The following PDIA5 variants were observed in gnomAD, a reference collection of about 807,000 sequenced individuals.
The protein encoded by PDIA5 is protein disulfide isomerase family A member 5.
PDIA5 carries 58 observed loss-of-function variants against 77.6 expected under a neutral mutation model. The ratio of observed to expected loss-of-function variants is 0.75; its 90% CI spans 0.61 to 0.93. PDIA5 has a LOEUF of 0.93. Among genes scored for constraint, PDIA5 ranks in the 40% least tolerant of loss-of-function variants. The probability of loss-of-function intolerance (pLI) is 0.00; values close to 1 mark genes in which losing one functional copy is unlikely to be tolerated. For synonymous variants in PDIA5, 250 were observed against 252.1 expected, an observed-to-expected ratio of 0.99 and a Z score of 0.08; for missense variants, 630 against 647.7, an observed-to-expected ratio of 0.97 and a Z score of 0.30.
At chr3:123,133,350 C>T (rs1333115725) in intron 11 of PDIA5, among the ~76,000 whole-genome samples, 4 of 152,202 alleles carry the variant, frequency 2.6e-5, no homozygotes, top group Non-Finnish European at 5.9e-5. Flanking sequence ...AGGCCAAATA[C>T]GGAGTGATTT....
intron 1 of PDIA5, among the ~76,000 whole-genome samples, chr3:123,076,250 G>T (rs1159967258): frequency 6.6e-6 from 1 of 152,114 alleles, no homozygotes; most frequent in East Asian, 1.9e-4. Context: ...TCCTGGCGGG[G>T]ACCTGGCTCT....
intron 10 of PDIA5, among the ~76,000 whole-genome samples, chr3:123,128,539 C>T (rs2107963814): frequency 6.6e-6 from 1 of 152,116 alleles, no homozygotes; most frequent in East Asian, 1.9e-4. Flanking sequence ...TAAGGTCTTG[C>T]TCTGTCACCC....
At chr3:123,154,614 TC>T (rs1238839340) in intron 14 of PDIA5, among the ~76,000 whole-genome samples, 1 of 152,094 alleles carries the variant, frequency 6.6e-6, no homozygotes, top group African/African-American at 2.4e-5. Flanking sequence ...TTGTAGCGGC[TC>T]TGAGAATCCC....
chr3:123,084,468 G>T (rs889690202), intron 1 of PDIA5, among the ~76,000 whole-genome samples: 7 of 151,778 alleles, frequency 4.6e-5, no homozygotes, highest in African/African-American at 1.7e-4. Flanking sequence ...CCTCCCTCTT[G>T]GTCCTGCCTC....
At chr3:123,145,444 C>A in intron 11 of PDIA5, 78 bp from the exon 12 acceptor site, 1 of 1,036,040 alleles carries the variant, frequency 9.7e-7, no homozygotes, top group Non-Finnish European at 1.5e-6. Context: ...GACTGAGCTG[C>A]CTTACAGAGG....
intron 7 of PDIA5, among the ~76,000 whole-genome samples, chr3:123,112,553 T>G (rs1372186364): frequency 1.4e-5 from 2 of 140,484 alleles, no homozygotes; most frequent in Admixed American, 7.1e-5. Flanking sequence ...TTTTTTTTTT[T>G]TTTTTTTGGT....
intron 1 of PDIA5, among the ~76,000 whole-genome samples, chr3:123,077,239 C>G (rs1450421191): frequency 1.3e-5 from 2 of 152,188 alleles, no homozygotes; most frequent in Non-Finnish European, 2.9e-5. Flanking sequence ...GTCTCAGTTT[C>G]TTTATCTATA....
At chr3:123,070,562 G>C (rs1933695648) in intron 1 of PDIA5, among the ~76,000 whole-genome samples, 1 of 152,212 alleles carries the variant, frequency 6.6e-6, no homozygotes, top group East Asian at 1.9e-4. Context: ...CTTCCAGGCT[G>C]GGTGTCTGTG....
chr3:123,129,014 C>T (rs1287833168), intron 10 of PDIA5, among the ~76,000 whole-genome samples: 1 of 152,186 alleles, frequency 6.6e-6, no homozygotes, highest in African/African-American at 2.4e-5. Flanking sequence ...AGCCCTCCCT[C>T]GTGTAGATGG....
Position 123,116,285 on chromosome 3 carries a change from T to C in PDIA5, c.596T>C (p.Leu199Pro). Residue 199 changes from leucine to proline, a missense_variant, in exon 8 of 17, where the codon CTG becomes CCG. Transcript: ENST00000316218. ...CATTTCCAGAAGGCTGCGACTCAGCTGCGAGGCCACGCCGTAAGTGAGGCG... is the reference window on the plus strand; with the variant it reads ...CATTTCCAGAAGGCTGCGACTCAGCCGCGAGGCCACGCCGTAAGTGAGGCG... ...MPHFQKAATQ[L>P]RGHAVLAGMN... is the part of the protein sequence containing the mutation. 6.2e-7 allele frequency: 1 copy of C among 1,613,486 alleles called. No homozygotes were observed. The highest frequency in any genetic ancestry group is 8.5e-7 in the Non-Finnish European group (1 of 1,179,878).
intron 3 of PDIA5, among the ~76,000 whole-genome samples, chr3:123,095,697 C>T (rs962570911): frequency 2.7e-5 from 4 of 147,516 alleles, no homozygotes; most frequent in African/African-American, 7.6e-5. Flanking sequence ...TGCAGTGAGC[C>T]GAGATCACGC....
chr3:123,157,108 C>G (rs1936038510), intron 15 of PDIA5, among the ~76,000 whole-genome samples: 1 of 152,216 alleles, frequency 6.6e-6, no homozygotes, highest in Admixed American at 6.5e-5. Flanking sequence ...TTCCCTCTGT[C>G]TCTCCTTTCA....
chr3:123,080,956 C>T (rs1172679802), intron 1 of PDIA5, among the ~76,000 whole-genome samples: 1 of 152,154 alleles, frequency 6.6e-6, no homozygotes. Context: ...GAGTTCCAGC[C>T]ATCTTGTCCA....
intron 11 of PDIA5, among the ~76,000 whole-genome samples, chr3:123,133,268 A>T (rs1935413907): frequency 6.6e-6 from 1 of 152,220 alleles, no homozygotes; most frequent in Admixed American, 6.5e-5. Flanking sequence ...AGAGACCAGC[A>T]GTGTCATCCT....
chr3:123,158,777 C>T (rs941876779), intron 15 of PDIA5, among the ~76,000 whole-genome samples: 1 of 152,170 alleles, frequency 6.6e-6, no homozygotes, highest in Non-Finnish European at 1.5e-5. Context: ...CACCATAGAA[C>T]AAATTGAGAA....
chr3:123,083,004 C>T (rs191069596), intron 1 of PDIA5, among the ~76,000 whole-genome samples: 40 of 152,174 alleles, frequency 2.6e-4, no homozygotes, highest in African/African-American at 9.6e-4. Flanking sequence ...TTTGTCTGGC[C>T]GGCCCTGAAT....
intron 6 of PDIA5, 105 bp from the exon 7 acceptor site, chr3:123,110,839 C>T: frequency 1.1e-6 from 1 of 949,350 alleles, no homozygotes; most frequent in Non-Finnish European, 1.7e-6. Context: ...CCTCCCCTCC[C>T]CATCCCTACC....
chr3:123,075,501 G>A (rs553369719), intron 1 of PDIA5, among the ~76,000 whole-genome samples: 1 of 152,330 alleles, frequency 6.6e-6, no homozygotes, highest in Non-Finnish European at 1.5e-5. Context: ...GATGAGAACT[G>A]GAAGTGCCTG....
chr3:123,126,996 T>C (rs113573243), intron 10 of PDIA5, among the ~76,000 whole-genome samples: 11 of 152,228 alleles, frequency 7.2e-5, no homozygotes, highest in Admixed American at 5.9e-4. Context: ...CACTGGTGAG[T>C]TGGGCTAGCA....
Sources: gnomAD v4.1 joint callset for allele counts (sites outside exome capture counted in the v4.1 genomes callset) on GRCh38, gnomAD v4.1.1 for gene constraint, MANE v1.5 for transcripts, NCBI Gene and HGNC (gene_info 2026-07-23, HGNC 2026-07-21) for gene names.